The following MAP4K4 variants were observed in gnomAD, a reference collection of about 807,000 sequenced individuals.
MAP4K4 encodes HPK/GCK-like kinase HGK.
MAP4K4 carries 38 observed loss-of-function variants against 189.6 expected under a neutral mutation model. That is an observed-to-expected ratio of 0.20 (90% CI 0.15 to 0.26). The LOEUF (loss-of-function observed/expected upper bound fraction) is 0.26, where lower values mean the gene tolerates loss of function less well. Among genes scored for constraint, MAP4K4 ranks in the 10% least tolerant of loss-of-function variants. MAP4K4 has a pLI of 1.00. For missense variants in MAP4K4, 1,054 were observed against 1,726.9 expected (o/e 0.61, Z 6.91); for synonymous variants, 610 against 624.3 (o/e 0.98, Z 0.34).
At chr2:101,746,384 C>G (rs2065616185) in intron 2 of MAP4K4, among the ~76,000 whole-genome samples, 1 of 150,550 alleles carries the variant, frequency 6.6e-6, no homozygotes, top group South Asian at 2.1e-4. Context: ...GCACCTGTTA[C>G]TGAGAAACTT....
At chr2:101,738,585 GT>G (rs1432531417) in intron 2 of MAP4K4, among the ~76,000 whole-genome samples, 2 of 151,914 alleles carry the variant, frequency 1.3e-5, no homozygotes, top group Middle Eastern at 6.8e-3. Context: ...TCTGCAGAAG[GT>G]TTTTTTTGGC....
intron 2 of MAP4K4, among the ~76,000 whole-genome samples, chr2:101,785,747 T>C (rs1282180113): frequency 0.014 from 107 of 7,630 alleles, no homozygotes; most frequent in Middle Eastern, 0.036. Context: ...TCTCTCTCTC[T>C]CTCTCTCTCT....
chr2:101,835,161 A>G (rs1559126128), intron 8 of MAP4K4, among the ~76,000 whole-genome samples: 1 of 152,210 alleles, frequency 6.6e-6, no homozygotes, highest in Non-Finnish European at 1.5e-5. Context: ...CTCAAACACC[A>G]TACATTCCCC....
rs143209899 is a variant in MAP4K4, at chr2:101,843,843, C to G, written c.1023-258C>G. ...TCCTTTTACTGAGTTTGAATTGTTA[C>G]GCGAATCCTAAATAGAAATGTCTTG... On this transcript the variant is annotated intron_variant, in intron 11 of 32. Coordinates refer to ENST00000324219, the Ensembl canonical transcript of MAP4K4. 3.0e-4 allele frequency among the ~76,000 whole-genome samples: 46 copies of G among 152,216 alleles called. No homozygotes were observed. In the East Asian group the frequency reaches 8.1e-3, roughly 27 times the overall value.
chr2:101,753,982 G>A (rs776999067), intron 2 of MAP4K4, among the ~76,000 whole-genome samples: 1 of 152,054 alleles, frequency 6.6e-6, no homozygotes, highest in Non-Finnish European at 1.5e-5. Flanking sequence ...ATTAGTAGTG[G>A]CTATTTCCAG....
intron 2 of MAP4K4, among the ~76,000 whole-genome samples, chr2:101,768,571 A>G (rs963595373): frequency 6.6e-6 from 1 of 152,220 alleles, no homozygotes; most frequent in African/African-American, 2.4e-5. Context: ...GCAGACCTTA[A>G]GACAATGTAG....
chr2:101,707,212 CT>C (rs545502305), intron 2 of MAP4K4, among the ~76,000 whole-genome samples: 4,608 of 133,882 alleles, frequency 0.034, 54 homozygotes, highest in African/African-American at 0.045. Flanking sequence ...TTTATTTTAT[CT>C]TTTTTTTTTT....
chr2:101,874,134 C>A, exon 26 of MAP4K4: 1 of 1,613,846 alleles, frequency 6.2e-7, no homozygotes, highest in Non-Finnish European at 8.5e-7. Flanking sequence ...AAGATCCTAC[C>A]CGGAAAGGCT....
chr2:101,802,641 TC>T (rs1392800989), intron 3 of MAP4K4, among the ~76,000 whole-genome samples: 10 of 152,158 alleles, frequency 6.6e-5, no homozygotes, highest in Admixed American at 4.6e-4. Context: ...AATGGCCTCT[TC>T]CTACTCCTAA....
At chr2:101,745,413 A>G (rs1289814591) in intron 2 of MAP4K4, among the ~76,000 whole-genome samples, 1 of 118,854 alleles carries the variant, frequency 8.4e-6, no homozygotes, top group Non-Finnish European at 1.6e-5. Context: ...GATTTCCTAC[A>G]TACAATTCAA....
At chr2:101,827,040 A>C (rs545601833) in intron 5 of MAP4K4, among the ~76,000 whole-genome samples, 1 of 152,262 alleles carries the variant, frequency 6.6e-6, no homozygotes, top group South Asian at 2.1e-4. Flanking sequence ...GCCTTCAAAG[A>C]CATCAAAGAC....
At chr2:101,706,807 G>GTTT (rs2042552978) in intron 2 of MAP4K4, among the ~76,000 whole-genome samples, 1 of 152,120 alleles carries the variant, frequency 6.6e-6, no homozygotes, top group Admixed American at 6.5e-5. Context: ...TCCTCTAGTA[G>GTTT]TTTTAAAAGA....
chr2:101,737,990 T>TAAC (rs1324391309), intron 2 of MAP4K4, among the ~76,000 whole-genome samples: 1 of 152,180 alleles, frequency 6.6e-6, no homozygotes, highest in Non-Finnish European at 1.5e-5. Flanking sequence ...AGAGGTTACC[T>TAAC]AACATGCTAG....
At chr2:101,859,659 A>C (rs771021805) in exon 15 of MAP4K4, 1 of 1,608,744 alleles carries the variant, frequency 6.2e-7, no homozygotes, top group Non-Finnish European at 8.5e-7. Context: ...CGATGGCGGG[A>C]GATGGAGGAG....
At chr2:101,809,995 C>T (rs2095311790) in intron 3 of MAP4K4, among the ~76,000 whole-genome samples, 1 of 152,214 alleles carries the variant, frequency 6.6e-6, no homozygotes, top group South Asian at 2.1e-4. Flanking sequence ...TCTATGCTGA[C>T]CCAGAGTTCA....
At chr2:101,840,784 A>G (rs536378202) in intron 10 of MAP4K4, among the ~76,000 whole-genome samples, 1 of 152,356 alleles carries the variant, frequency 6.6e-6, no homozygotes, top group South Asian at 2.1e-4. Context: ...CAAGAAGAGC[A>G]GGTTCAAGGC....
At chr2:101,703,242 A>G (rs2040044841) in intron 2 of MAP4K4, among the ~76,000 whole-genome samples, 1 of 151,656 alleles carries the variant, frequency 6.6e-6, no homozygotes, top group Non-Finnish European at 1.5e-5. Context: ...GTTGGGGTGG[A>G]TACTTGGGCA....
At chr2:101,775,303 T>C (rs1338233044) in intron 2 of MAP4K4, among the ~76,000 whole-genome samples, 1 of 151,576 alleles carries the variant, frequency 6.6e-6, no homozygotes, top group Non-Finnish European at 1.5e-5. Context: ...AGTCAGCTCT[T>C]AGGTCATATT....
intron 2 of MAP4K4, among the ~76,000 whole-genome samples, chr2:101,712,379 A>G (rs2046105582): frequency 6.6e-6 from 1 of 151,802 alleles, no homozygotes; most frequent in Non-Finnish European, 1.5e-5. Context: ...TATTTTTAGT[A>G]GAGACGGGGT....
Sources: allele counts gnomAD v4.1 joint callset (sites outside exome capture counted in the v4.1 genomes callset), GRCh38; gene constraint gnomAD v4.1.1; transcripts MANE v1.5; gene names NCBI Gene and HGNC (gene_info 2026-07-23, HGNC 2026-07-21).